The following NUP205 variants were observed in gnomAD, a reference collection of about 807,000 sequenced individuals.
The protein encoded by NUP205 is nuclear pore complex protein Nup205.
In NUP205, 76 loss-of-function variants were observed where a neutral mutation model predicts 253.8. The ratio of observed to expected loss-of-function variants is 0.30; its 90% confidence interval spans 0.25 to 0.36. The LOEUF is 0.36. NUP205 is among the 10% of genes least tolerant of loss of function. The pLI, the probability that NUP205 is intolerant of heterozygous loss-of-function variation, is 1.00. For missense variants in NUP205, 2,162 were observed against 2,425.5 expected, an observed-to-expected ratio of 0.89 and a Z score of 2.28; for synonymous variants, 832 against 850.1, an observed-to-expected ratio of 0.98 and a Z score of 0.37.
chr7:135,576,652 C>T (rs1467455840), intron 4 of NUP205, among the ~76,000 whole-genome samples: 3 of 152,248 alleles, frequency 2.0e-5, no homozygotes, highest in South Asian at 4.1e-4. Context: ...GCTGGGATTA[C>T]AGATTACAGT....
At chr7:135,620,429 A>C (rs1378663035) in intron 30 of NUP205, among the ~76,000 whole-genome samples, 1 of 152,206 alleles carries the variant, frequency 6.6e-6, no homozygotes, top group East Asian at 1.9e-4. Flanking sequence ...GCTACTCAGG[A>C]GGCTGAAGCA....
intron 37 of NUP205, 78 bp from the exon 38 acceptor site, chr7:135,638,479 C>A: frequency 8.4e-7 from 1 of 1,189,926 alleles, no homozygotes; most frequent in Non-Finnish European, 1.2e-6. Flanking sequence ...ATAACCTTTT[C>A]TTCTTCAAAT....
At chr7:135,642,025 C>A (rs947455662) in intron 38 of NUP205, among the ~76,000 whole-genome samples, 1 of 151,556 alleles carries the variant, frequency 6.6e-6, no homozygotes, top group African/African-American at 2.4e-5. Context: ...GAGGCCGAGG[C>A]GGGTGGATCA....
chr7:135,635,387 G>A (rs372566261), intron 35 of NUP205, 194 bp from the exon 36 acceptor site: 4 of 365,918 alleles, frequency 1.1e-5, no homozygotes, highest in Non-Finnish European at 2.0e-5. Flanking sequence ...CTTTGAATGC[G>A]CATGTACCGG....
intron 22 of NUP205, among the ~76,000 whole-genome samples, chr7:135,612,908 T>G (rs1321690238): frequency 6.6e-6 from 1 of 152,124 alleles, no homozygotes; most frequent in Non-Finnish European, 1.5e-5. Flanking sequence ...GCCTGGTACA[T>G]GGAAAGCATC....
At chr7:135,565,535 C>G (rs1390838858) in intron 1 of NUP205, among the ~76,000 whole-genome samples, 1 of 151,506 alleles carries the variant, frequency 6.6e-6, no homozygotes, top group South Asian at 2.1e-4. Context: ...AGGGTTCAAG[C>G]TATTCTCCTG....
intron 5 of NUP205, 85 bp from the exon 6 acceptor site, chr7:135,577,711 C>A: frequency 2.0e-6 from 2 of 985,100 alleles, no homozygotes; most frequent in Non-Finnish European, 3.1e-6. Flanking sequence ...TTTTATTAGC[C>A]TTTGTAAAAG....
Position 135,619,566 on chromosome 7 carries a change from T to C in NUP205, c.4107T>C (p.Phe1369=). The C allele has an allele frequency of 1.2e-6, 2 of 1,614,172 alleles. No homozygotes were observed. Among genetic ancestry groups the C allele is most frequent in the Non-Finnish European group, 1.7e-6 (2 of 1,180,036 alleles). Residue 1369 remains phenylalanine (F), a synonymous_variant, in exon 29 of 43, where the codon TTT becomes TTC. Coordinates refer to ENST00000285968, the MANE Select transcript of NUP205 (RefSeq NM_015135.3). ...VLGPAEAHYA[F]MLDSCFTSPP... is the part of the protein sequence containing the mutation. The stretch of plus-strand genomic sequence containing the variant: ...GACCAGCAGAGGCCCATTACGCTTT[T>C]ATGCTTGATAGTTGCTTCACCTCAC...
At chr7:135,571,279 A>ATT (rs546492942) in intron 2 of NUP205, 32 bp downstream of exon 2, 17,395 of 1,069,436 alleles carry the variant, frequency 0.016, 100 homozygotes, top group South Asian at 0.058. Flanking sequence ...TTTTTTTGGG[A>ATT]TTTTTTTTTT....
chr7:135,630,085 A>G (rs1411901521), intron 34 of NUP205, among the ~76,000 whole-genome samples: 2 of 152,184 alleles, frequency 1.3e-5, no homozygotes, highest in Non-Finnish European at 2.9e-5. Context: ...GTATTAACTT[A>G]TAAGCTTTAA....
chr7:135,603,560 A>G (rs916378685), intron 18 of NUP205, among the ~76,000 whole-genome samples: 2 of 149,102 alleles, frequency 1.3e-5, no homozygotes, highest in Non-Finnish European at 3.0e-5. Context: ...CCCAGACTGG[A>G]GTGCGGTGGT....
At chr7:135,563,249 G>A (rs947581717) in intron 1 of NUP205, among the ~76,000 whole-genome samples, 5 of 151,910 alleles carry the variant, frequency 3.3e-5, no homozygotes, top group East Asian at 1.9e-4. Flanking sequence ...GTGCAGTGGC[G>A]TGATCTCGGC....
At position 135,646,588 on chromosome 7, in the gene NUP205, C is replaced by T. The variant is rs113199377; in HGVS notation, c.5886+357C>T. 5.6e-3 allele frequency among the ~76,000 whole-genome samples: 846 copies of T among 152,046 alleles called. 14 individuals carry two copies. Among genetic ancestry groups the T allele is most frequent in the East Asian group, 0.051 (263 of 5,172 alleles). On this transcript the variant is annotated intron_variant, in intron 42 of 42. Coordinates refer to ENST00000285968, the MANE Select transcript of NUP205 (RefSeq NM_015135.3). ...AAATGAATGAAAGAGTGAAGCAAGA[C>T]CTTGTCTCCAATAAATAAATAAATA...
chr7:135,571,356 T>C (rs545541473), intron 2 of NUP205, 109 bp downstream of exon 2: 3 of 683,518 alleles, frequency 4.4e-6, no homozygotes, highest in Non-Finnish European at 6.3e-6. Context: ...TTTCAGAAAT[T>C]TATTTACTGT....
chr7:135,645,109 G>A, intron 40 of NUP205, 91 bp downstream of exon 40: 1 of 1,459,738 alleles, frequency 6.9e-7, no homozygotes, highest in South Asian at 1.2e-5. Context: ...CCAAAACCAG[G>A]TGGAAGGAGA....
At chr7:135,638,116 A>T in intron 37 of NUP205, 57 bp downstream of exon 37, 1 of 1,574,586 alleles carries the variant, frequency 6.4e-7, no homozygotes, top group Non-Finnish European at 8.6e-7. Flanking sequence ...GTTGATAAAA[A>T]TAACAGATGT....
intron 30 of NUP205, among the ~76,000 whole-genome samples, chr7:135,620,507 C>T (rs1794452362): frequency 6.6e-6 from 1 of 152,198 alleles, no homozygotes; most frequent in South Asian, 2.1e-4. Flanking sequence ...GCCTGGGCAA[C>T]AAGAGTGAAA....
chr7:135,612,193 T>C (rs1281507742), intron 22 of NUP205, among the ~76,000 whole-genome samples: 1 of 152,192 alleles, frequency 6.6e-6, no homozygotes, highest in Non-Finnish European at 1.5e-5. Context: ...TTATTCACAG[T>C]AGTTGTGTTT....
chr7:135,597,941 C>G, intron 14 of NUP205, 57 bp from the exon 15 acceptor site: 199 of 1,308,980 alleles, frequency 1.5e-4, no homozygotes, highest in Non-Finnish European at 2.0e-4. Context: ...GCATAATACT[C>G]TTCACTTCAT....
Sources: gnomAD v4.1 joint callset for allele counts (sites outside exome capture counted in the v4.1 genomes callset) on GRCh38, gnomAD v4.1.1 for gene constraint, MANE v1.5 for transcripts, NCBI Gene and HGNC (gene_info 2026-07-23, HGNC 2026-07-21) for gene names.